The following CA10 variants were observed in gnomAD, a reference collection of about 807,000 sequenced individuals.
CA10 encodes the protein carbonic anhydrase 10 (inactive), also known as carbonic anhydrase-related protein 10.
Under a neutral mutation model 44.2 loss-of-function variants are expected in CA10, and 14 were observed. That is an observed-to-expected ratio of 0.32 (90% CI 0.21 to 0.50). The LOEUF is 0.50. Ranked by LOEUF, CA10 falls within the 20% of genes least tolerant of loss-of-function variation. The probability of loss-of-function intolerance (pLI) is 0.99; values close to 1 mark genes in which losing one functional copy is unlikely to be tolerated. For synonymous variants in CA10, 159 were observed against 141.6 expected, an observed-to-expected ratio of 1.12 and a Z score of -0.87; for missense variants, 350 against 409.7, an observed-to-expected ratio of 0.85 and a Z score of 1.26.
intron 4 of CA10, among the ~76,000 whole-genome samples, chr17:51,706,819 C>T (rs565926702): frequency 2.0e-5 from 3 of 152,142 alleles, no homozygotes; most frequent in Non-Finnish European, 2.9e-5. Flanking sequence ...GCCTGAGGGC[C>T]GGAAACCTCT....
intron 2 of CA10, among the ~76,000 whole-genome samples, chr17:52,062,533 G>A (rs1813868125): frequency 6.6e-6 from 1 of 152,172 alleles, no homozygotes; most frequent in Admixed American, 6.5e-5. Context: ...ACAGGCCTGG[G>A]AAAACAAAAT....
intron 1 of CA10, among the ~76,000 whole-genome samples, chr17:52,098,541 ATGTACTGACCTAAGTCC>A (rs767938997): frequency 2.4e-4 from 37 of 152,252 alleles, no homozygotes; most frequent in Non-Finnish European, 4.7e-4. Context: ...CACTACAGAC[ATGTACTGACCTAAGTCC>A]TGTACTGACC....
intron 2 of CA10, among the ~76,000 whole-genome samples, chr17:51,999,485 G>A (rs1985348886): frequency 2.0e-5 from 3 of 152,074 alleles, no homozygotes. Flanking sequence ...ATGTGGGCAA[G>A]ATTGGTGTTG....
chr17:51,732,940 A>G (rs1261673852), intron 4 of CA10, among the ~76,000 whole-genome samples: 2 of 152,184 alleles, frequency 1.3e-5, no homozygotes, highest in Admixed American at 6.5e-5. Context: ...TCCCTGGCTT[A>G]TAACCTTGTT....
intron 1 of CA10, among the ~76,000 whole-genome samples, chr17:52,077,246 T>C (rs1378284237): frequency 6.6e-6 from 1 of 152,192 alleles, no homozygotes; most frequent in African/African-American, 2.4e-5. Flanking sequence ...TCGTTGGGGA[T>C]GAAGAAAGAG....
intron 2 of CA10, among the ~76,000 whole-genome samples, chr17:51,969,218 A>C (rs1247848536): frequency 2.0e-5 from 3 of 152,098 alleles, no homozygotes; most frequent in African/African-American, 7.2e-5. Context: ...TAACAACAGT[A>C]ATATGGTTAT....
At chr17:51,888,169 G>A (rs1980697524) in intron 3 of CA10, among the ~76,000 whole-genome samples, 1 of 151,908 alleles carries the variant, frequency 6.6e-6, no homozygotes, top group African/African-American at 2.4e-5. Context: ...TCAGAAGGTG[G>A]TATTGATTTT....
intron 3 of CA10, among the ~76,000 whole-genome samples, chr17:51,751,907 A>C (rs1904904427): frequency 6.6e-6 from 1 of 152,114 alleles, no homozygotes; most frequent in Non-Finnish European, 1.5e-5. Context: ...AAAACATTCA[A>C]TGCACCTAAC....
In CA10 at chr17:51,868,717, T is replaced by C. The variant is rs370926709; in HGVS notation, c.279+62273A>G. Among the ~76,000 whole-genome samples the C allele has an allele frequency of 3.4e-4, 52 of 152,254 alleles. 3 individuals are homozygous for C. The highest frequency in any genetic ancestry group is 1.2e-3 in the African/African-American group (49 of 41,548). Reference sequence around the variant, plus strand: ...TTCTGACATCTCCTGCTTGGCCTTATGACCTTCCTTTACAAATAACACTTA... The same window carrying C: ...TTCTGACATCTCCTGCTTGGCCTTACGACCTTCCTTTACAAATAACACTTA... On this transcript the variant is annotated intron_variant, in intron 3 of 8. Transcript: ENST00000451037.
At chr17:51,801,796 C>T (rs1332345955) in intron 3 of CA10, among the ~76,000 whole-genome samples, 1 of 152,182 alleles carries the variant, frequency 6.6e-6, no homozygotes, top group Non-Finnish European at 1.5e-5. Flanking sequence ...AGGGATCTAA[C>T]CCAGTGACAC....
At chr17:51,752,914 A>G (rs998189860) in intron 3 of CA10, among the ~76,000 whole-genome samples, 1 of 151,954 alleles carries the variant, frequency 6.6e-6, no homozygotes, top group Non-Finnish European at 1.5e-5. Context: ...GTGAGACTGC[A>G]TCTCAAAAAT....
chr17:52,019,348 T>G (rs1297534570), intron 2 of CA10, among the ~76,000 whole-genome samples: 1 of 152,090 alleles, frequency 6.6e-6, no homozygotes, highest in Non-Finnish European at 1.5e-5. Flanking sequence ...GCCATTTACA[T>G]TAATTTGTAC....
chr17:51,953,596 C>T (rs1983564487), intron 2 of CA10, among the ~76,000 whole-genome samples: 1 of 151,904 alleles, frequency 6.6e-6, no homozygotes, highest in African/African-American at 2.4e-5. Context: ...TTTATTAGTT[C>T]AAGTCTCTTT....
rs369366735 is a variant in CA10, at chr17:51,838,844, C to T, written c.280-91026G>A. 5.3e-5 allele frequency among the ~76,000 whole-genome samples: 8 copies of T among 152,358 alleles called. No homozygotes were observed. In the East Asian group the frequency reaches 1.5e-3, roughly 29 times the overall value. ...GCTCCTGCCCTTCTCATCTCCACTT[C>T]TCCTATCAAAGATTGAATCACTCCT... On this transcript the variant is annotated intron_variant, in intron 3 of 8. Coordinates refer to ENST00000451037, the MANE Select transcript of CA10 (RefSeq NM_020178.5).
chr17:51,861,461 G>C (rs1056837173), intron 3 of CA10, among the ~76,000 whole-genome samples: 5 of 151,664 alleles, frequency 3.3e-5, no homozygotes, highest in Admixed American at 1.3e-4. Context: ...AGCTTTACCT[G>C]TGAAAAACCC....
chr17:51,950,708 G>A (rs1983449405), intron 2 of CA10, among the ~76,000 whole-genome samples: 1 of 152,058 alleles, frequency 6.6e-6, no homozygotes, highest in African/African-American at 2.4e-5. Context: ...TCTATAAATA[G>A]CTTTTCGTGC....
chr17:51,811,910 A>G (rs978484221), intron 3 of CA10, among the ~76,000 whole-genome samples: 43 of 152,226 alleles, frequency 2.8e-4, no homozygotes, highest in African/African-American at 1.0e-3. Flanking sequence ...CACAGTCCAG[A>G]GTGAAGCCCT....
intron 3 of CA10, among the ~76,000 whole-genome samples, chr17:51,880,286 G>C (rs1223497965): frequency 6.6e-6 from 1 of 152,016 alleles, no homozygotes; most frequent in Non-Finnish European, 1.5e-5. Context: ...TTCCTCTTGG[G>C]AACTGTCAGC....
intron 1 of CA10, among the ~76,000 whole-genome samples, chr17:52,123,371 G>GTGTGTGTGTGTGT: frequency 6.8e-6 from 1 of 146,342 alleles, no homozygotes. Flanking sequence ...ATATATATGG[G>GTGTGTGTGTGTGT]GTGTGTGTGT....
Sources: allele counts gnomAD v4.1 joint callset (sites outside exome capture counted in the v4.1 genomes callset), GRCh38; gene constraint gnomAD v4.1.1; transcripts MANE v1.5; gene names NCBI Gene and HGNC (gene_info 2026-07-23, HGNC 2026-07-21).